The following PTPRN2 variants were observed in gnomAD, a reference collection of about 807,000 sequenced individuals.
PTPRN2 encodes the protein receptor-type tyrosine-protein phosphatase N2.
A neutral mutation model predicts 118.8 loss-of-function variants in PTPRN2; 74 were observed. The ratio of observed to expected loss-of-function variants is 0.62; its 90% confidence interval spans 0.52 to 0.76. PTPRN2 has a LOEUF of 0.76. PTPRN2 is among the 30% of genes least tolerant of loss of function. The pLI is 0.00. For missense variants in PTPRN2, 1,481 were observed against 1,394.4 expected, an observed-to-expected ratio of 1.06 and a Z score of -0.99; for synonymous variants, 641 against 608.0, an observed-to-expected ratio of 1.05 and a Z score of -0.80.
intron 15 of PTPRN2, among the ~76,000 whole-genome samples, chr7:157,606,141 G>C (rs909304683): frequency 2.0e-5 from 3 of 152,248 alleles, no homozygotes; most frequent in East Asian, 3.9e-4. Flanking sequence ...ACTGCCCAGA[G>C]TGTCACACCT....
intron 2 of PTPRN2, among the ~76,000 whole-genome samples, chr7:158,471,949 C>G (rs1308778483): frequency 6.6e-6 from 1 of 152,166 alleles, no homozygotes; most frequent in African/African-American, 2.4e-5. Context: ...AAATGTGGCC[C>G]ACCTGACTCC....
Position 158,252,228 on chromosome 7 carries a change from C to T in PTPRN2, c.278-46955G>A, listed in dbSNP as rs547782113. Among the ~76,000 whole-genome samples the T allele has an allele frequency of 8.6e-4, 131 of 152,284 alleles. 3 individuals are homozygous for T. In the South Asian group the frequency reaches 0.025, roughly 29 times the overall value. ...CACCAGTGGCCTGACAACTCTGCCT[C>T]GTCCCCATCACCTCTGCGGCGAGAA... is the stretch of plus-strand genomic sequence containing the variant. On this transcript the variant is annotated intron_variant, in intron 3 of 22. Transcript: ENST00000389418.
chr7:158,138,062 C>T (rs533124704), intron 7 of PTPRN2, among the ~76,000 whole-genome samples: 1 of 152,362 alleles, frequency 6.6e-6, no homozygotes, highest in East Asian at 1.9e-4. Context: ...AGGAGTGAAA[C>T]CTCCTCGCAG....
chr7:158,468,700 C>A (rs1819559116), intron 2 of PTPRN2, among the ~76,000 whole-genome samples: 1 of 152,182 alleles, frequency 6.6e-6, no homozygotes, highest in East Asian at 1.9e-4. Context: ...AGCTTCCTGA[C>A]TGATGCCCAG....
At chr7:157,927,278 C>T (rs1194725681) in intron 11 of PTPRN2, among the ~76,000 whole-genome samples, 1 of 56,122 alleles carries the variant, frequency 1.8e-5, no homozygotes, top group Non-Finnish European at 3.6e-5. Flanking sequence ...TAGGAAGCCC[C>T]AGGGACCCGT....
chr7:158,332,288 ATCTG>A (rs1804632548), intron 2 of PTPRN2, among the ~76,000 whole-genome samples: 1 of 146,954 alleles, frequency 6.8e-6, no homozygotes, highest in Non-Finnish European at 1.5e-5. Flanking sequence ...AAGAGGTGAC[ATCTG>A]CAGACGTCAC....
At chr7:157,543,431 C>T (rs1198861731) in intron 22 of PTPRN2, among the ~76,000 whole-genome samples, 1 of 152,244 alleles carries the variant, frequency 6.6e-6, no homozygotes, top group African/African-American at 2.4e-5. Flanking sequence ...ACCCCTGGGT[C>T]CACGCTGGAC....
At chr7:158,337,984 C>G (rs1586358760) in intron 2 of PTPRN2, among the ~76,000 whole-genome samples, 1 of 60,856 alleles carries the variant, frequency 1.6e-5, no homozygotes, top group African/African-American at 5.8e-5. Context: ...ACGTCACTCA[C>G]ACCCACACTC....
At chr7:157,726,143 T>A (rs13310496) in intron 12 of PTPRN2, among the ~76,000 whole-genome samples, 1 of 22,746 alleles carries the variant, frequency 4.4e-5, no homozygotes, top group Non-Finnish European at 9.1e-5. Context: ...TGAGCCAGAC[T>A]CTCGCCTCCC....
intron 3 of PTPRN2, among the ~76,000 whole-genome samples, chr7:158,216,983 G>T (rs539122779): frequency 1.4e-4 from 21 of 152,122 alleles, no homozygotes; most frequent in Non-Finnish European, 2.6e-4. Flanking sequence ...TAATCCATGG[G>T]TCAAAGAGAA....
chr7:158,067,707 G>A (rs990608307), intron 11 of PTPRN2, among the ~76,000 whole-genome samples: 14 of 152,052 alleles, frequency 9.2e-5, no homozygotes, highest in African/African-American at 2.9e-4. Context: ...AGGAGTGAGC[G>A]AGTGACAGAG....
At position 157,926,629 on chromosome 7, in the gene PTPRN2, G is replaced by A. The variant is rs145075684; in HGVS notation, c.1724-27892C>T. On this transcript the variant is annotated intron_variant, in intron 11 of 22. Coordinates refer to ENST00000389418, the MANE Select transcript of PTPRN2 (RefSeq NM_002847.5). ...CTGGGCGGGACTCCCTGCATCCCAG[G>A]CCTCCTACGCACCCTCCAGTGCCCC... 7.0e-3 allele frequency among the ~76,000 whole-genome samples: 1,066 copies of A among 152,294 alleles called. 6 individuals are homozygous for A. The highest frequency in any genetic ancestry group is 0.012 in the Non-Finnish European group (832 of 68,010).
chr7:157,713,415 G>A (rs1798749485), intron 12 of PTPRN2, among the ~76,000 whole-genome samples: 1 of 152,108 alleles, frequency 6.6e-6, no homozygotes, highest in South Asian at 2.1e-4. Flanking sequence ...TAAGAATAGT[G>A]TACGTAGGTA....
At chr7:158,247,037 T>C (rs1362392761) in intron 3 of PTPRN2, among the ~76,000 whole-genome samples, 6 of 152,106 alleles carry the variant, frequency 3.9e-5, no homozygotes, top group Admixed American at 2.6e-4. Flanking sequence ...CTGGGAGACA[T>C]GTGTGAGGAC....
chr7:158,205,213 G>T lies in PTPRN2; in HGVS notation c.338C>A (p.Pro113Gln), dbSNP rs368859882. ...TTCAGGACGCCTCAGGTAGGTTTTCGGGAGGTCTGCAAGTTCCTGGTCCAT... is the reference window on the plus strand; with the variant it reads ...TTCAGGACGCCTCAGGTAGGTTTTCTGGAGGTCTGCAAGTTCCTGGTCCAT... Reference protein sequence around the residue: ...YVMDQELADLPKTYLRRPEAS... With the variant: ...YVMDQELADLQKTYLRRPEAS... Residue 113 changes from proline to glutamine, a missense_variant, in exon 4 of 23, where the codon CCG becomes CAG. This residue lies in a region of PTPRN2 where 1,115 missense variants were observed against 994.2 expected (regional missense o/e 1.12). Transcript: ENST00000389418. The T allele has an allele frequency of 6.2e-7, 1 of 1,614,116 alleles. No homozygotes were observed. The highest frequency in any genetic ancestry group is 8.5e-7 in the Non-Finnish European group (1 of 1,180,016).
chr7:157,971,114 G>A (rs1400139041), intron 11 of PTPRN2, among the ~76,000 whole-genome samples: 5 of 152,120 alleles, frequency 3.3e-5, no homozygotes, highest in Non-Finnish European at 7.3e-5. Context: ...TTTTCTCCAT[G>A]AGTTCTTCAA....
chr7:157,887,903 C>T (rs991612578), intron 12 of PTPRN2, among the ~76,000 whole-genome samples: 2 of 148,592 alleles, frequency 1.3e-5, no homozygotes, highest in African/African-American at 2.5e-5. Context: ...ATACCCACTC[C>T]CCCCAGTACT....
At chr7:158,560,885 C>T (rs1007090028) in intron 1 of PTPRN2, among the ~76,000 whole-genome samples, 1 of 152,266 alleles carries the variant, frequency 6.6e-6, no homozygotes, top group Non-Finnish European at 1.5e-5. Context: ...TAAAGCAACG[C>T]AGCCTTGCAT....
chr7:158,266,782 C>T (rs1304493556), intron 3 of PTPRN2, among the ~76,000 whole-genome samples: 1 of 152,244 alleles, frequency 6.6e-6, no homozygotes, highest in African/African-American at 2.4e-5. Flanking sequence ...ATTCAAAGTA[C>T]ATTGCCTGAC....
Sources: gnomAD v4.1 joint callset for allele counts (sites outside exome capture counted in the v4.1 genomes callset) on GRCh38, gnomAD v4.1.1 for gene constraint, gnomAD v4.1.1 regional missense constraint, MANE v1.5 for transcripts, NCBI Gene and HGNC (gene_info 2026-07-23, HGNC 2026-07-21) for gene names.